Variants in ATR observed in about 807,000 individuals in gnomAD.
ATR encodes the protein ATR checkpoint kinase.
Under a neutral mutation model 305.3 loss-of-function variants are expected in ATR, and 142 were observed. That is an observed-to-expected ratio of 0.47 (90% CI 0.41 to 0.53). The LOEUF is 0.53. Ranked by LOEUF, ATR falls within the 20% of genes least tolerant of loss-of-function variation. The pLI is 0.00. For missense variants in ATR, 2,135 were observed against 3,133.1 expected (o/e 0.68, Z 7.60); for synonymous variants, 1,050 against 1,068.1 (o/e 0.98, Z 0.33).
intron 41 of ATR, among the ~76,000 whole-genome samples, chr3:142,464,009 A>G (rs1559909276): frequency 6.6e-6 from 1 of 152,268 alleles, no homozygotes; most frequent in Non-Finnish European, 1.5e-5. Context: ...ATAATTCAAA[A>G]TACATAAAAC....
intron 13 of ATR, among the ~76,000 whole-genome samples, chr3:142,550,671 T>A (rs748140282): frequency 7.2e-5 from 11 of 152,196 alleles, no homozygotes; most frequent in Non-Finnish European, 1.5e-4. Flanking sequence ...CATTATAAGA[T>A]GATTTCCTTC....
chr3:142,552,878 A>G (rs1382634618), intron 13 of ATR, among the ~76,000 whole-genome samples: 1 of 151,414 alleles, frequency 6.6e-6, no homozygotes, highest in African/African-American at 2.4e-5. Context: ...AAACACCACA[A>G]GTTCTCACTT....
chr3:142,472,756 G>A (rs1577519263), intron 36 of ATR, among the ~76,000 whole-genome samples: 1 of 152,054 alleles, frequency 6.6e-6, no homozygotes, highest in Non-Finnish European at 1.5e-5. Flanking sequence ...CCCTGCCTCA[G>A]CCTCCTGAGC....
intron 35 of ATR, among the ~76,000 whole-genome samples, chr3:142,486,972 A>G (rs894950105): frequency 6.8e-6 from 1 of 147,402 alleles, no homozygotes; most frequent in East Asian, 1.9e-4. Flanking sequence ...AAAAAAAAAA[A>G]AAAAAAAAAC....
At chr3:142,456,479 C>A (rs113288103) in intron 45 of ATR, among the ~76,000 whole-genome samples, 1 of 151,342 alleles carries the variant, frequency 6.6e-6, no homozygotes, top group Non-Finnish European at 1.5e-5. Flanking sequence ...AGCTGAGGCA[C>A]GAGAATCGTT....
intron 34 of ATR, among the ~76,000 whole-genome samples, chr3:142,495,594 A>G (rs2031537928): frequency 6.6e-6 from 1 of 152,020 alleles, no homozygotes; most frequent in South Asian, 2.1e-4. Flanking sequence ...AATACAAAAA[A>G]TTAGCCAGGT....
At chr3:142,501,368 T>C (rs1250202425) in intron 30 of ATR, among the ~76,000 whole-genome samples, 2 of 152,172 alleles carry the variant, frequency 1.3e-5, no homozygotes, top group Non-Finnish European at 1.5e-5. Flanking sequence ...CATATAAGCA[T>C]TCCTTCTTTA....
At chr3:142,450,295 G>A (rs995293030) in intron 46 of ATR, 26 of 889,632 alleles carry the variant, frequency 2.9e-5, no homozygotes, top group African/African-American at 1.0e-4. Context: ...ACCAGCTGCC[G>A]CTTATTTCTT....
intron 20 of ATR, 105 bp from the exon 21 acceptor site, chr3:142,535,310 C>A: frequency 1.5e-6 from 2 of 1,318,784 alleles, no homozygotes; most frequent in South Asian, 1.3e-5. Flanking sequence ...TATACCAAAC[C>A]AATTTTTTAA....
Position 142,562,561 on chromosome 3 carries a change from C to A in ATR, c.841G>T (p.Val281Leu), listed in dbSNP as rs2108487549. The A allele has an allele frequency of 1.2e-6, 2 of 1,613,848 alleles. No individual in the cohort carries two copies. The highest frequency in any genetic ancestry group is 1.7e-6 in the Non-Finnish European group (2 of 1,179,910). The change falls in exon 4 of 47, where the codon GTA becomes TTA. Residue 281 changes from valine to leucine, a missense_variant. Coordinates refer to ENST00000350721, the MANE Select transcript of ATR (RefSeq NM_001184.4). The stretch of plus-strand genomic sequence containing the variant: ...TTCAATTGGTCAGTATCCATTTCTA[C>A]AAGGTGTTTTAATAATTCCAAAAAT... ...SSFLELLKHL[V>L]EMDTDQLKLY...
chr3:142,474,276 C>G (rs1461037067), intron 36 of ATR, among the ~76,000 whole-genome samples: 1 of 151,956 alleles, frequency 6.6e-6, no homozygotes, highest in Non-Finnish European at 1.5e-5. Flanking sequence ...AAAGAATAAG[C>G]TATTGGAATT....
At chr3:142,561,466 A>G (rs1270554562) in intron 4 of ATR, 45 bp from the exon 5 acceptor site, 5 of 1,528,534 alleles carry the variant, frequency 3.3e-6, no homozygotes, top group African/African-American at 1.4e-5. Flanking sequence ...CTTAGAAAAT[A>G]TATTTATATT....
At chr3:142,492,308 A>G (rs2031333272) in intron 35 of ATR, among the ~76,000 whole-genome samples, 1 of 152,134 alleles carries the variant, frequency 6.6e-6, no homozygotes, top group Non-Finnish European at 1.5e-5. Context: ...AATGAATCTC[A>G]ATCCCGTGTG....
chr3:142,450,488 G>C, intron 46 of ATR: 1 of 1,602,940 alleles, frequency 6.2e-7, no homozygotes, highest in Non-Finnish European at 8.5e-7. Flanking sequence ...ACTAAAGAGA[G>C]AGTTCATCAG....
At chr3:142,460,926 T>C (rs2071011303) in intron 42 of ATR, among the ~76,000 whole-genome samples, 1 of 152,142 alleles carries the variant, frequency 6.6e-6, no homozygotes, top group Non-Finnish European at 1.5e-5. Flanking sequence ...AAATTCTTAT[T>C]ATTACAGTAT....
At chr3:142,471,365 C>T (rs555405520) in intron 36 of ATR, among the ~76,000 whole-genome samples, 110 of 152,270 alleles carry the variant, frequency 7.2e-4, no homozygotes, top group African/African-American at 2.2e-3. Flanking sequence ...TGAACTCTTG[C>T]ACTGCTTTCA....
intron 16 of ATR, among the ~76,000 whole-genome samples, chr3:142,546,066 G>A (rs930935291): frequency 5.9e-5 from 9 of 152,038 alleles, no homozygotes; most frequent in African/African-American, 9.7e-5. Flanking sequence ...GACACTGACC[G>A]GACTGCATTA....
At chr3:142,559,061 GAATCAA>G (rs2034784969) in intron 7 of ATR, 184 bp downstream of exon 7, 1 of 665,836 alleles carries the variant, frequency 1.5e-6, no homozygotes, top group African/African-American at 1.8e-5. Flanking sequence ...ATTGACTAAA[GAATCAA>G]AATATTATGC....
chr3:142,452,399 G>A (rs2070811902), intron 46 of ATR: 1 of 987,294 alleles, frequency 1.0e-6, no homozygotes, highest in Admixed American at 6.1e-5. Context: ...TCTGAGCTAG[G>A]CACAGTGGCT....
Sources: allele counts gnomAD v4.1 joint callset (sites outside exome capture counted in the v4.1 genomes callset), GRCh38; gene constraint gnomAD v4.1.1; transcripts MANE v1.5; gene names NCBI Gene and HGNC (gene_info 2026-07-23, HGNC 2026-07-21).